Variants in BLTP3A observed in about 807,000 individuals in gnomAD.
The protein encoded by BLTP3A is bridge-like lipid transfer protein family member 3A, also known as ICBP90 binding protein 1.
chr6:34,814,051 A>G, the BLTP3A span, among the ~76,000 whole-genome samples: 26 of 148,480 alleles, frequency 1.8e-4, no homozygotes, highest in Admixed American at 4.2e-4. Context: ...GAGTCTCGCT[A>G]TGTCGCCCAG....
the BLTP3A span, among the ~76,000 whole-genome samples, chr6:34,828,807 C>T: frequency 6.6e-6 from 1 of 151,768 alleles, no homozygotes; most frequent in Non-Finnish European, 1.5e-5. Flanking sequence ...GTGGGTGGAT[C>T]GCCTGAAGTC....
At chr6:34,792,769 C>T in the BLTP3A span, among the ~76,000 whole-genome samples, 1 of 152,214 alleles carries the variant, frequency 6.6e-6, no homozygotes, top group Non-Finnish European at 1.5e-5. Flanking sequence ...CCTCCTCTCC[C>T]AGATCCTATG....
At chr6:34,868,165 G>C in the BLTP3A span, among the ~76,000 whole-genome samples, 15,162 of 151,886 alleles carry the variant, frequency 0.1, 1,662 homozygotes, top group African/African-American at 0.27. Context: ...AATTAGCTGG[G>C]CGTGGTGGCG....
chr6:34,830,326 C>A, the BLTP3A span, among the ~76,000 whole-genome samples: 1 of 151,974 alleles, frequency 6.6e-6, no homozygotes, highest in South Asian at 2.1e-4. Flanking sequence ...TGGTGACTCA[C>A]GCCTGTAATC....
the BLTP3A span, among the ~76,000 whole-genome samples, chr6:34,806,412 G>T: frequency 6.6e-6 from 1 of 152,094 alleles, no homozygotes. Flanking sequence ...CATTTGCCCA[G>T]GTGAAACAAC....
the BLTP3A span, among the ~76,000 whole-genome samples, chr6:34,797,004 T>C: frequency 2.0e-5 from 3 of 152,220 alleles, no homozygotes; most frequent in Non-Finnish European, 4.4e-5. Context: ...CGCCCGGCCC[T>C]GAGCCTTAGT....
At chr6:34,868,569 A>G in the BLTP3A span, among the ~76,000 whole-genome samples, 1 of 148,522 alleles carries the variant, frequency 6.7e-6, no homozygotes, top group Non-Finnish European at 1.5e-5. Flanking sequence ...CTAAAATACA[A>G]AAAAATTAGC....
chr6:34,835,160 GTC>G, the BLTP3A span: 4 of 994,522 alleles, frequency 4.0e-6, no homozygotes, highest in Non-Finnish European at 5.9e-6. Flanking sequence ...ATAAGAAATT[GTC>G]TCTCCAAAGT....
At chr6:34,797,526 G>C in the BLTP3A span, among the ~76,000 whole-genome samples, 2 of 152,144 alleles carry the variant, frequency 1.3e-5, no homozygotes, top group Non-Finnish European at 2.9e-5. Flanking sequence ...ACTTTTCCAA[G>C]GTCACTTAGG....
chr6:34,821,416 A>ATCTC, the BLTP3A span: 9 of 464,276 alleles, frequency 1.9e-5, no homozygotes, highest in South Asian at 6.2e-5. Context: ...TATGGTGTAG[A>ATCTC]GATGGTGTGG....
At chr6:34,858,525 C>T in the BLTP3A span, 1 of 1,614,196 alleles carries the variant, frequency 6.2e-7, no homozygotes, top group East Asian at 2.2e-5. Flanking sequence ...CCCCCTTCCC[C>T]CTGTCCATTT....
the BLTP3A span, among the ~76,000 whole-genome samples, chr6:34,809,166 G>A: frequency 6.6e-6 from 1 of 152,146 alleles, no homozygotes; most frequent in African/African-American, 2.4e-5. Flanking sequence ...GCTGAAGTGG[G>A]AGGATCATTT....
At chr6:34,815,272 CAG>C in the BLTP3A span, among the ~76,000 whole-genome samples, 2 of 136,924 alleles carry the variant, frequency 1.5e-5, no homozygotes, top group African/African-American at 5.8e-5. Context: ...TGTTTTGAGA[CAG>C]AGTCTTCCTC....
the BLTP3A span, chr6:34,855,630 CAG>C: frequency 9.3e-6 from 15 of 1,613,504 alleles, no homozygotes; most frequent in Admixed American, 3.3e-5. Context: ...TCTCTGCCAA[CAG>C]ACTCATGGGT....
chr6:34,841,606 C>G, the BLTP3A span, among the ~76,000 whole-genome samples: 31 of 152,264 alleles, frequency 2.0e-4, no homozygotes, highest in Middle Eastern at 3.4e-3. Flanking sequence ...CAGTGCTGCT[C>G]TAGAGACCAC....
At chr6:34,818,077 C>T in the BLTP3A span, among the ~76,000 whole-genome samples, 3 of 151,986 alleles carry the variant, frequency 2.0e-5, no homozygotes, top group East Asian at 3.9e-4. Flanking sequence ...CCAGGATGGT[C>T]TCGATCTCCT....
the BLTP3A span, among the ~76,000 whole-genome samples, chr6:34,820,878 C>T: frequency 1.4e-5 from 2 of 143,144 alleles, no homozygotes; most frequent in Non-Finnish European, 3.0e-5. Flanking sequence ...TCTCGATCTC[C>T]TAGGCTCCAG....
chr6:34,825,189 T>C, the BLTP3A span, among the ~76,000 whole-genome samples: 1 of 152,234 alleles, frequency 6.6e-6, no homozygotes, highest in Non-Finnish European at 1.5e-5. Flanking sequence ...TGAAAATGTT[T>C]CTCATTTAAT....
chr6:34,853,337 A>G, the BLTP3A span, among the ~76,000 whole-genome samples: 2 of 151,868 alleles, frequency 1.3e-5, no homozygotes, highest in Non-Finnish European at 2.9e-5. Context: ...GACTACAGGC[A>G]TGCGCCACCA....
Sources: gnomAD v4.1 joint callset for allele counts (sites outside exome capture counted in the v4.1 genomes callset) on GRCh38, gnomAD v4.1.1 for gene constraint, MANE v1.5 for transcripts, NCBI Gene and HGNC (gene_info 2026-07-23, HGNC 2026-07-21) for gene names.